The following TRIP11 variants were observed in gnomAD, a reference collection of about 807,000 sequenced individuals.
The protein encoded by TRIP11 is thyroid hormone receptor interactor 11.
A neutral mutation model predicts 223.1 loss-of-function variants in TRIP11; 148 were observed. The ratio of observed to expected loss-of-function variants is 0.66; its 90% CI spans 0.58 to 0.76. TRIP11 has a LOEUF of 0.76. Ranked by LOEUF, TRIP11 falls within the 30% of genes least tolerant of loss-of-function variation. The pLI is 0.00. For missense variants in TRIP11, 2,043 were observed against 2,222.0 expected (o/e 0.92, Z 1.62); for synonymous variants, 762 against 772.6 (o/e 0.99, Z 0.23).
In TRIP11 at chr14:92,039,610, G is replaced by T; in HGVS notation, c.76C>A (p.Leu26Ile). The change falls in exon 1 of 21, where the codon CTC becomes ATC. Residue 26 changes from leucine to isoleucine, a missense_variant. Transcript: ENST00000267622. ...LGQVGGSLAS[L>I]TGQISNFTKD... is the part of the protein sequence containing the mutation. ...GTAAAGTTTGATATCTGGCCAGTGA[G>T]GGAAGCCAGGCTGCCCCCGACTTGA... 1 of 1,613,344 alleles carries T rather than the reference G, an allele frequency of 6.2e-7. No individual in the cohort carries two copies. Among genetic ancestry groups the T allele is most frequent in the Non-Finnish European group, 8.5e-7 (1 of 1,179,728 alleles).
rs1269886252 is a variant in TRIP11, at chr14:92,003,636, AG to A, written c.4339del (p.Leu1447Ter). On this transcript the variant is annotated frameshift_variant, in exon 11 of 21. Coordinates refer to ENST00000267622, the MANE Select transcript of TRIP11 (RefSeq NM_004239.4). LOFTEE classifies it high-confidence loss of function. ...NELLRQAVTN[L>X]KERILILEMD... Reference sequence around the variant, plus strand: ...CTCTAGAATTAATATTCTCTCCTTCAGGTTTGTTACTGCCTGCCTCAAAAGT... The same window carrying A: ...CTCTAGAATTAATATTCTCTCCTTCAGTTTGTTACTGCCTGCCTCAAAAGT... 1.9e-6 allele frequency: 3 copies of A among 1,614,018 alleles called. No individual in the cohort carries two copies. The highest frequency in any genetic ancestry group is 2.5e-6 in the Non-Finnish European group (3 of 1,179,992).
Position 91,966,976 on chromosome 14 carries a change from TGGTTACTAAGAC to T in TRIP11, c.*2685_*2696del, listed in dbSNP as rs569043305. On this transcript the variant is annotated 3_prime_UTR_variant, in exon 21 of 21. Transcript: ENST00000267622. The stretch of plus-strand genomic sequence containing the variant: ...ACATTAGAATTATATGCTTCATCAC[TGGTTACTAAGAC>T]GGTTCAGTGAGCAGGTGGTTCATCT... 1,071 of 201,920 alleles carry T rather than the reference TGGTTACTAAGAC, an allele frequency of 5.3e-3. 10 individuals are homozygous for T. The highest frequency in any genetic ancestry group is 0.023 in the African/African-American group (985 of 43,638). The allele number at this position is 201,920 out of a possible 1,614,324, so 12.5% of individuals were successfully genotyped here. A position where few individuals can be genotyped will look rare whatever the true frequency, so the allele number is the denominator to read the frequency against.
chr14:91,974,996 A>T (rs1397200714), intron 18 of TRIP11, among the ~76,000 whole-genome samples, 176 bp downstream of exon 18: 1 of 152,262 alleles, frequency 6.6e-6, no homozygotes, highest in East Asian at 1.9e-4. Flanking sequence ...AAACATTTAA[A>T]CTAATATCAT....
At chr14:92,002,910 A>T (rs1041914935) in intron 11 of TRIP11, among the ~76,000 whole-genome samples, 1 of 152,052 alleles carries the variant, frequency 6.6e-6, no homozygotes, top group Non-Finnish European at 1.5e-5. Context: ...AGAGTATCAC[A>T]CGTAATAAGA....
chr14:92,007,094 C>T (rs562268497), intron 10 of TRIP11, among the ~76,000 whole-genome samples: 5 of 150,660 alleles, frequency 3.3e-5, no homozygotes, highest in Non-Finnish European at 5.9e-5. Context: ...GGCATGATCT[C>T]GGCTCACTGT....
intron 16 of TRIP11, among the ~76,000 whole-genome samples, chr14:91,979,980 T>G (rs1288256798): frequency 2.8e-5 from 4 of 140,440 alleles, no homozygotes; most frequent in Non-Finnish European, 6.2e-5. Flanking sequence ...TTTTGGAAGT[T>G]AAAAAAAAAA....
chr14:91,996,262 T>C (rs1203024521), intron 13 of TRIP11, among the ~76,000 whole-genome samples: 1 of 152,228 alleles, frequency 6.6e-6, no homozygotes, highest in Non-Finnish European at 1.5e-5. Context: ...ACTTGAAGAG[T>C]TCTTCTGGTA....
intron 1 of TRIP11, among the ~76,000 whole-genome samples, chr14:92,035,113 T>C (rs190992657): frequency 2.5e-3 from 372 of 148,772 alleles, no homozygotes; most frequent in Middle Eastern, 0.021. Context: ...AAGACAACCC[T>C]GGCCAATATG....
rs746530100 is a variant in TRIP11, at chr14:92,003,810, T to G, written c.4166A>C (p.Glu1389Ala). Residue 1389 changes from glutamate (E) to alanine (A), a missense_variant, in exon 11 of 21, where the codon GAA becomes GCA. Coordinates refer to ENST00000267622, the MANE Select transcript of TRIP11 (RefSeq NM_004239.4). Reference protein sequence around the residue: ...ATSELERKEHEQTDSEIKQLK... With the variant: ...ATSELERKEHAQTDSEIKQLK... ...CTGCTTGATTTCTGAATCGGTTTGT[T>G]CGTGTTCTTTTCTTTCTAGCTCTGA... 1 of 1,614,188 alleles carries G rather than the reference T, an allele frequency of 6.2e-7. No homozygotes were observed. The highest frequency in any genetic ancestry group is 1.7e-5 in the Admixed American group (1 of 60,028).
rs1328845510 is a variant in TRIP11, at chr14:91,966,174, T to G, written c.*3499A>C. The G allele has an allele frequency of 5.7e-6, 1 of 175,514 alleles. No homozygotes were observed. Among genetic ancestry groups the G allele is most frequent in the Admixed American group, 6.3e-5 (1 of 15,764 alleles). 10.9% of individuals were successfully genotyped at this position (175,514 alleles called of 1,614,324 possible). On this transcript the variant is annotated 3_prime_UTR_variant, in exon 21 of 21. Coordinates refer to ENST00000267622, the MANE Select transcript of TRIP11 (RefSeq NM_004239.4). ...TTGGAAATTTCCCACGTTTAGATAT[T>G]TCCCTAAAAATCAAAAGACAATTTA...
At chr14:91,975,868 AG>A (rs1285849757) in intron 17 of TRIP11, among the ~76,000 whole-genome samples, 1 of 152,182 alleles carries the variant, frequency 6.6e-6, no homozygotes, top group Non-Finnish European at 1.5e-5. Flanking sequence ...GTGATATTTT[AG>A]CTCTTCTATA....
In TRIP11 at chr14:92,004,725, A is replaced by T. The variant is rs2056875479; in HGVS notation, c.3251T>A (p.Val1084Asp). Residue 1084 changes from valine (V) to aspartate (D), a missense_variant, in exon 11 of 21, where the codon GTT (valine) becomes GAT (aspartate). Physicochemically the swap from Val to Asp is radical, Grantham distance 152. Coordinates refer to ENST00000267622, the MANE Select transcript of TRIP11 (RefSeq NM_004239.4). ...RISSTSHTQD[V>D]VYLQQQLQAY... ...CTGCAGTTGCTGTTGAAGGTAAACAACATCTTGAGTATGGGAAGTTGAAGA... is the reference window on the plus strand; with the variant it reads ...CTGCAGTTGCTGTTGAAGGTAAACATCATCTTGAGTATGGGAAGTTGAAGA... The T allele has an allele frequency of 3.1e-6, 5 of 1,614,038 alleles. No individual in the cohort carries two copies. Among genetic ancestry groups the T allele is most frequent in the Non-Finnish European group, 4.2e-6 (5 of 1,180,020 alleles).
At chr14:91,985,359 C>T (rs1197679685) in intron 16 of TRIP11, among the ~76,000 whole-genome samples, 1 of 152,192 alleles carries the variant, frequency 6.6e-6, no homozygotes, top group Non-Finnish European at 1.5e-5. Flanking sequence ...TGTCTTCATA[C>T]TTTTCACACA....
chr14:91,991,354 T>C (rs1433043406), intron 15 of TRIP11, among the ~76,000 whole-genome samples: 1 of 152,194 alleles, frequency 6.6e-6, no homozygotes, highest in African/African-American at 2.4e-5. Flanking sequence ...AGCTACTAAG[T>C]TTCTGTTCAT....
At chr14:92,002,720 GC>G (rs1388267185) in intron 11 of TRIP11, among the ~76,000 whole-genome samples, 2 of 151,894 alleles carry the variant, frequency 1.3e-5, no homozygotes, top group East Asian at 3.8e-4. Flanking sequence ...AGGATTACAG[GC>G]ACCCACCACC....
At chr14:91,979,868 C>G (rs1339369050) in intron 16 of TRIP11, among the ~76,000 whole-genome samples, 1 of 151,624 alleles carries the variant, frequency 6.6e-6, no homozygotes, top group Non-Finnish European at 1.5e-5. Context: ...AATTTGAAAT[C>G]AGAACTGTAT....
At position 92,039,732 on chromosome 14, in the gene TRIP11, C is replaced by A; in HGVS notation, c.-47G>T. 6.3e-7 allele frequency: 1 copy of A among 1,582,082 alleles called. No individual in the cohort carries two copies. Among genetic ancestry groups the A allele is most frequent in the Non-Finnish European group, 8.6e-7 (1 of 1,163,608 alleles). ...CCCGGTCCGCTCGGAAAAAAGAAAA[C>A]GTTTAGCGCCGCCGGGCGATCCGAC... On this transcript the variant is annotated 5_prime_UTR_variant, in exon 1 of 21. Transcript: ENST00000267622.
chr14:92,032,461 T>A (rs189249037), intron 2 of TRIP11, among the ~76,000 whole-genome samples: 1 of 150,962 alleles, frequency 6.6e-6, no homozygotes, highest in Non-Finnish European at 1.5e-5. Context: ...GCTATTCCTA[T>A]ATTCTTAACT....
At chr14:92,011,109 G>A in intron 8 of TRIP11, 37 bp from the exon 9 acceptor site, 2 of 1,590,188 alleles carry the variant, frequency 1.3e-6, no homozygotes, top group Non-Finnish European at 1.7e-6. Context: ...CAGGTAACAA[G>A]AAATTTCCAG....
Sources: gnomAD v4.1 joint callset for allele counts (sites outside exome capture counted in the v4.1 genomes callset) on GRCh38, gnomAD v4.1.1 for gene constraint, MANE v1.5 for transcripts, NCBI Gene and HGNC (gene_info 2026-07-23, HGNC 2026-07-21) for gene names.